The following GREB1 variants were observed in gnomAD, a reference collection of about 807,000 sequenced individuals.
GREB1 encodes the protein protein GREB1.
In GREB1, 106 loss-of-function variants were observed where a neutral mutation model predicts 200.7. The observed-to-expected ratio is 0.53, with a 90% confidence interval of 0.45 to 0.62. The LOEUF (loss-of-function observed/expected upper bound fraction) is 0.62, where lower values mean the gene tolerates loss of function less well. Among genes scored for constraint, GREB1 ranks in the 20% least tolerant of loss-of-function variants. The pLI is 0.00. For synonymous variants in GREB1, 1,132 were observed against 1,092.4 expected, an observed-to-expected ratio of 1.04 and a Z score of -0.72; for missense variants, 2,243 against 2,556.8, an observed-to-expected ratio of 0.88 and a Z score of 2.65.
chr2:11,620,779 G>A lies in GREB1; in HGVS notation c.4045-126G>A, dbSNP rs1475936900. On this transcript the variant is annotated intron_variant, in intron 22 of 32. Transcript: ENST00000381486. ...CTTCAAATATCTTTGCATCCACAGGGTTCTCATTTTAAAGACAGGATCTTC... is the reference window on the plus strand; with the variant it reads ...CTTCAAATATCTTTGCATCCACAGGATTCTCATTTTAAAGACAGGATCTTC... 4.7e-6 allele frequency: 3 copies of A among 640,260 alleles called. No homozygotes were observed. In the Admixed American group the frequency reaches 7.4e-5, roughly 16 times the overall value. The allele number at this position is 640,260 out of a possible 1,614,324, so 39.7% of individuals were successfully genotyped here. A position where few individuals can be genotyped will look rare whatever the true frequency, so the allele number is the denominator to read the frequency against.
intron 1 of GREB1, among the ~76,000 whole-genome samples, chr2:11,484,325 C>G (rs906483891): frequency 6.6e-6 from 1 of 152,162 alleles, no homozygotes; most frequent in East Asian, 1.9e-4. Flanking sequence ...GATCTTTCTA[C>G]AGGTCTTTTT....
intron 1 of GREB1, among the ~76,000 whole-genome samples, chr2:11,527,734 G>A (rs1673937392): frequency 6.6e-6 from 1 of 152,226 alleles, no homozygotes; most frequent in African/African-American, 2.4e-5. Context: ...CAGCTCTCAT[G>A]TAGTTCAGGG....
rs1684704094 is a variant in GREB1 at position 11,629,345 on chromosome 2, C to A, written c.4450-603C>A. Reference sequence around the variant, plus strand: ...GTGTGAGGCTCCTGGGAAGTGGAGGCTGGAGGAGGTGACTAAGGGCGCAGC... The same window carrying A: ...GTGTGAGGCTCCTGGGAAGTGGAGGATGGAGGAGGTGACTAAGGGCGCAGC... On this transcript the variant is annotated intron_variant, in intron 25 of 32. Coordinates refer to ENST00000381486, the MANE Select transcript of GREB1 (RefSeq NM_014668.4). This position sits in a 1 kb window ranked among gnomAD's most constrained non-coding sequence, Gnocchi z 5.2. Among the ~76,000 whole-genome samples, 1 of 152,098 alleles carries A rather than the reference C, an allele frequency of 6.6e-6. No individual in the cohort carries two copies. Among genetic ancestry groups the A allele is most frequent in the African/African-American group, 2.4e-5 (1 of 41,402 alleles).
rs760070504 is a variant in GREB1 at position 11,634,182 on chromosome 2, C to G, written c.5043C>G (p.His1681Gln). Residue 1681 changes from histidine (H) to glutamine (Q), a missense_variant, in exon 29 of 33, where the codon CAC (histidine) becomes CAG (glutamine). Transcript: ENST00000381486. Reference protein sequence around the residue: ...RNVSLKHIMQHIEAAPDIMHY... With the variant: ...RNVSLKHIMQQIEAAPDIMHY... ...TGTCTTTGAAGCACATCATGCAGCA[C>G]ATCGAGGCGGCCCCCGACATCATGC... is the stretch of plus-strand genomic sequence containing the variant. The G allele has an allele frequency of 1.1e-5, 18 of 1,614,122 alleles. No individual in the cohort carries two copies. Among genetic ancestry groups the G allele is most frequent in the Non-Finnish European group, 1.4e-5 (17 of 1,180,048 alleles).
At chr2:11,487,517 C>T (rs558991804) in intron 1 of GREB1, among the ~76,000 whole-genome samples, 2 of 152,292 alleles carry the variant, frequency 1.3e-5, no homozygotes, top group South Asian at 4.1e-4. Flanking sequence ...TCAAAACACA[C>T]TGTTTTCCTG....
intron 1 of GREB1, among the ~76,000 whole-genome samples, chr2:11,554,101 C>A (rs1056671219): frequency 4.6e-5 from 7 of 152,106 alleles, no homozygotes; most frequent in Admixed American, 2.0e-4. Flanking sequence ...TAAAGTCTGC[C>A]ACAGATCGAG....
intron 11 of GREB1, among the ~76,000 whole-genome samples, chr2:11,594,850 C>T (rs767289258): frequency 7.9e-5 from 12 of 152,138 alleles, no homozygotes; most frequent in Non-Finnish European, 1.8e-4. Flanking sequence ...CCCGCCACCA[C>T]ACCCGGCTAA....
intron 4 of GREB1, among the ~76,000 whole-genome samples, chr2:11,567,895 G>A (rs896648447): frequency 2.6e-5 from 4 of 152,150 alleles, no homozygotes; most frequent in African/African-American, 7.2e-5. Context: ...GGGCTTCTGC[G>A]TCCTCATCCA....
At chr2:11,599,994 G>A (rs1681639179) in intron 15 of GREB1, among the ~76,000 whole-genome samples, 1 of 152,214 alleles carries the variant, frequency 6.6e-6, no homozygotes, top group Non-Finnish European at 1.5e-5. Flanking sequence ...TTCCACTGAT[G>A]TAGATGAGGA....
At chr2:11,610,403 T>C (rs144074149) in intron 17 of GREB1, among the ~76,000 whole-genome samples, 151 of 152,338 alleles carry the variant, frequency 9.9e-4, no homozygotes, top group African/African-American at 3.5e-3. Flanking sequence ...GCTCATTCAT[T>C]GGACAAATAT....
rs537194574 is a variant in GREB1 at position 11,580,576 on chromosome 2, A to G, written c.773-128A>G. 12 of 1,034,336 alleles carry G rather than the reference A, an allele frequency of 1.2e-5. No individual in the cohort carries two copies. The South Asian group carries it at 1.8e-4, about 16-fold the overall frequency. 64.1% of individuals were successfully genotyped at this position (1,034,336 alleles called of 1,614,324 possible). A position where few individuals can be genotyped will look rare whatever the true frequency, so the allele number is the denominator to read the frequency against. On this transcript the variant is annotated intron_variant, in intron 6 of 32. Coordinates refer to ENST00000381486, the MANE Select transcript of GREB1 (RefSeq NM_014668.4). The surrounding 1 kb of genome is among the most constrained non-coding windows in gnomAD (Gnocchi z 4.5). Reference sequence around the variant, plus strand: ...AGCAGAATCACTGTTGGGCATTCTGACCTCCTGATGAGACTTGCTGGGGAA... The same window carrying G: ...AGCAGAATCACTGTTGGGCATTCTGGCCTCCTGATGAGACTTGCTGGGGAA...
chr2:11,485,638 CA>C (rs562173101), intron 1 of GREB1, among the ~76,000 whole-genome samples: 69 of 152,294 alleles, frequency 4.5e-4, no homozygotes, highest in African/African-American at 1.6e-3. Flanking sequence ...ATTTTGATCT[CA>C]AACAGCCTTT....
At chr2:11,598,590 T>C in intron 14 of GREB1, 90 bp from the exon 15 acceptor site, 2 of 1,121,764 alleles carry the variant, frequency 1.8e-6, no homozygotes, top group South Asian at 1.4e-5. Context: ...CAGGACCTGC[T>C]GTGTAGGAGT....
At chr2:11,555,356 A>G (rs1416901133) in intron 1 of GREB1, among the ~76,000 whole-genome samples, 1 of 152,228 alleles carries the variant, frequency 6.6e-6, no homozygotes, top group South Asian at 2.1e-4. Context: ...TTTTCACTCA[A>G]TGGAAGCAGC....
chr2:11,552,987 G>A (rs1676069469), intron 1 of GREB1, among the ~76,000 whole-genome samples: 2 of 135,548 alleles, frequency 1.5e-5, no homozygotes, highest in South Asian at 2.3e-4. Flanking sequence ...TCCAGCCTGG[G>A]CGACAGAGCG....
intron 16 of GREB1, 47 bp downstream of exon 16, chr2:11,601,042 G>A: frequency 6.7e-7 from 1 of 1,493,178 alleles, no homozygotes; most frequent in East Asian, 2.3e-5. Context: ...ATATCACTTG[G>A]GTTTGCAGAA....
chr2:11,601,610 A>G (rs999446985), intron 16 of GREB1, among the ~76,000 whole-genome samples: 5 of 152,220 alleles, frequency 3.3e-5, no homozygotes, highest in African/African-American at 4.8e-5. Flanking sequence ...GTGCCTCGCA[A>G]TCCTCTGAGA....
chr2:11,581,329 A>C (rs1043487237), intron 7 of GREB1: 1 of 348,774 alleles, frequency 2.9e-6, no homozygotes, highest in Non-Finnish European at 5.2e-6. Context: ...GTCAGAGCAC[A>C]TCTGGCAGCT....
At chr2:11,572,285 G>A (rs1462165883) in intron 4 of GREB1, among the ~76,000 whole-genome samples, 1 of 152,172 alleles carries the variant, frequency 6.6e-6, no homozygotes, top group Non-Finnish European at 1.5e-5. Context: ...GGCTGTCAGC[G>A]AGATCTGCTT....
Sources: gnomAD v4.1 joint callset for allele counts (sites outside exome capture counted in the v4.1 genomes callset) on GRCh38, gnomAD v4.1.1 for gene constraint, Gnocchi (gnomAD v3.1) non-coding constraint, MANE v1.5 for transcripts, NCBI Gene and HGNC (gene_info 2026-07-23, HGNC 2026-07-21) for gene names.